EFTUD2: variants seen among roughly 807,000 people sequenced by gnomAD.
The protein encoded by EFTUD2 is elongation factor Tu GTP binding domain containing 2.
EFTUD2 carries 9 observed loss-of-function variants against 114.3 expected under a neutral mutation model. The ratio of observed to expected loss-of-function variants is 0.08; its 90% CI spans 0.05 to 0.14. The LOEUF (loss-of-function observed/expected upper bound fraction) is 0.14. Among genes scored for constraint, EFTUD2 ranks in the 10% least tolerant of loss-of-function variants. The probability of loss-of-function intolerance (pLI) is 1.00; values close to 1 mark genes in which losing one functional copy is unlikely to be tolerated. For synonymous variants in EFTUD2, 449 were observed against 462.3 expected (o/e 0.97, Z 0.37); for missense variants, 765 against 1,241.2 (o/e 0.62, Z 5.76).
Position 44,868,350 on chromosome 17 carries a change from C to T in EFTUD2, c.995G>A (p.Gly332Asp). Residue 332 changes from glycine to aspartate, a missense_variant and splice_region_variant, in exon 12 of 28, where the codon GGT (glycine) becomes GAT (aspartate). Physicochemically the swap from Gly to Asp is moderately conservative, Grantham distance 94. This residue lies in a region of EFTUD2 where 251 missense variants were observed against 357.7 expected (regional missense o/e 0.70). Coordinates refer to ENST00000426333, the MANE Select transcript of EFTUD2 (RefSeq NM_004247.4). ...SFAKIYADTF[G>D]DINYQEFAKR... ...AGCAAATTCTTGGTAATTAATGTCA[C>T]CTATGGGAGAAGCCACACAATTATA... The T allele has an allele frequency of 6.2e-7, 1 of 1,613,766 alleles. No homozygotes were observed. Among genetic ancestry groups the T allele is most frequent in the South Asian group, 1.1e-5 (1 of 91,004 alleles).
At chr17:44,872,968 A>G (rs1421208376) in intron 10 of EFTUD2, 1 of 153,760 alleles carries the variant, frequency 6.5e-6, no homozygotes, top group Non-Finnish European at 1.4e-5. Flanking sequence ...AAAAAGAGAA[A>G]AGAAAGGAAA....
intron 2 of EFTUD2, among the ~76,000 whole-genome samples, chr17:44,893,263 C>T (rs1567756429): frequency 6.6e-6 from 1 of 152,072 alleles, no homozygotes; most frequent in African/African-American, 2.4e-5. Flanking sequence ...GCTGGGACTA[C>T]AGGCACGCGC....
chr17:44,880,451 T>G, intron 8 of EFTUD2, 103 bp downstream of exon 8: 1 of 757,066 alleles, frequency 1.3e-6, no homozygotes, highest in Non-Finnish European at 2.2e-6. Flanking sequence ...GGTGAGGGAA[T>G]GTAAAAACAA....
At position 44,880,714 on chromosome 17, in the gene EFTUD2, C is replaced by T. The variant is rs1259211072; in HGVS notation, c.529-70G>A. 6 of 1,248,242 alleles carry T rather than the reference C, an allele frequency of 4.8e-6. No individual in the cohort carries two copies. In the Admixed American group the frequency reaches 1.1e-4, roughly 22 times the overall value. 77.3% of individuals were successfully genotyped at this position (1,248,242 alleles called of 1,614,324 possible). On this transcript the variant is annotated intron_variant, in intron 7 of 27. Transcript: ENST00000426333. ...GGGTTCATTTTGTTTTTGGGGCTCC[C>T]CAGTTGCTAGTAAATTACACTGATG...
At chr17:44,860,066 G>C in intron 17 of EFTUD2, 21 bp from the exon 18 acceptor site, 5 of 1,614,208 alleles carry the variant, frequency 3.1e-6, no homozygotes, top group Non-Finnish European at 3.4e-6. Context: ...AAGCACAAAG[G>C]ACTGAGGGCA....
intron 11 of EFTUD2, among the ~76,000 whole-genome samples, chr17:44,870,533 T>C (rs993325485): frequency 9.2e-5 from 14 of 152,228 alleles, no homozygotes; most frequent in Non-Finnish European, 2.9e-5. Context: ...CAATTATACA[T>C]GGATTTTTCT....
chr17:44,851,240 T>A lies in EFTUD2; in HGVS notation c.*34A>T. On this transcript the variant is annotated 3_prime_UTR_variant, in exon 28 of 28. Coordinates refer to ENST00000426333, the MANE Select transcript of EFTUD2 (RefSeq NM_004247.4). ...TTCAAGTACAGGAGTTGCAGCCCAC[T>A]GTAGGGAGCAGGAGCTCCCAGGAGT... 1 of 1,568,844 alleles carries A rather than the reference T, an allele frequency of 6.4e-7. No homozygotes were observed. Among genetic ancestry groups the A allele is most frequent in the Non-Finnish European group, 8.8e-7 (1 of 1,139,352 alleles).
At chr17:44,855,069 A>C in intron 20 of EFTUD2, 65 bp from the exon 21 acceptor site, 1 of 1,403,208 alleles carries the variant, frequency 7.1e-7, no homozygotes, top group Non-Finnish European at 1.0e-6. Flanking sequence ...ATTACTAAGA[A>C]AAGGGTAACA....
At chr17:44,858,772 G>A (rs1318625513) in intron 19 of EFTUD2, among the ~76,000 whole-genome samples, 1 of 151,940 alleles carries the variant, frequency 6.6e-6, no homozygotes, top group African/African-American at 2.4e-5. Context: ...AATTTTTGTA[G>A]AGGCAGTGTC....
rs758801312 is a variant in EFTUD2 at position 44,863,672 on chromosome 17, T to G, written c.1396A>C (p.Ser466Arg). ...GCCCTTACATCAGGGTCACAGTCAC[T>G]CATAGCCTCGCCGAGGTCGGAGTCC... ...GVDSDLGEAM[S>R]DCDPDGPLMC... Residue 466 changes from serine to arginine, a missense_variant, in exon 15 of 28, where the codon AGT (serine) becomes CGT (arginine). Physicochemically the swap from Ser to Arg is moderately radical, Grantham distance 110. Around this residue, in one of 6 missense-constraint regions of EFTUD2, gnomAD observed 59 missense variants for 50.1 expected, o/e 1.18. Transcript: ENST00000426333. 2.6e-5 allele frequency: 42 copies of G among 1,613,908 alleles called. No homozygotes were observed. The highest frequency in any genetic ancestry group is 3.4e-5 in the Non-Finnish European group (40 of 1,179,942).
At chr17:44,875,394 G>A (rs71373522) in intron 10 of EFTUD2, among the ~76,000 whole-genome samples, 18,714 of 152,000 alleles carry the variant, frequency 0.12, 1,237 homozygotes, top group East Asian at 0.24. Context: ...GCCGGGCGTG[G>A]TGACGGGTGC....
intron 1 of EFTUD2, among the ~76,000 whole-genome samples, chr17:44,898,198 T>C (rs992017959): frequency 6.6e-6 from 1 of 152,076 alleles, no homozygotes; most frequent in Admixed American, 6.6e-5. Context: ...AGTCAAGGGA[T>C]TGAAGAAATT....
chr17:44,873,833 G>A (rs531683000), intron 10 of EFTUD2, among the ~76,000 whole-genome samples: 10 of 149,914 alleles, frequency 6.7e-5, no homozygotes, highest in African/African-American at 1.7e-4. Context: ...CCGGGTTCAC[G>A]CCATTCTCCT....
intron 2 of EFTUD2, among the ~76,000 whole-genome samples, chr17:44,891,111 C>T (rs919627208): frequency 2.0e-5 from 3 of 152,122 alleles, no homozygotes; most frequent in African/African-American, 7.2e-5. Flanking sequence ...ATGCACCACT[C>T]ATCATGATGC....
Position 44,854,472 on chromosome 17 carries a change from T to A in EFTUD2, c.2259+84A>T. 1 of 1,580,210 alleles carries A rather than the reference T, an allele frequency of 6.3e-7. No individual in the cohort carries two copies. Among genetic ancestry groups the A allele is most frequent in the Non-Finnish European group, 8.6e-7 (1 of 1,160,196 alleles). On this transcript the variant is annotated intron_variant, in intron 22 of 27. Coordinates refer to ENST00000426333, the MANE Select transcript of EFTUD2 (RefSeq NM_004247.4). The surrounding 1 kb of genome is among the most constrained non-coding windows in gnomAD (Gnocchi z 4.3). The stretch of plus-strand genomic sequence containing the variant: ...CTGTCCTTCACCAGAGGACACAAGA[T>A]ACTTTTGGGAAAAGAACACTTTGTA...
At chr17:44,875,811 T>TA in intron 10 of EFTUD2, 123 bp downstream of exon 10, 2 of 1,200,650 alleles carry the variant, frequency 1.7e-6, no homozygotes, top group Non-Finnish European at 2.4e-6. Context: ...GATGTGCCTC[T>TA]AGTTTTGCCC....
Position 44,850,134 on chromosome 17 carries a change from G to A in EFTUD2, c.*1140C>T, listed in dbSNP as rs1036972002. Reference sequence around the variant, plus strand: ...TACACAATACATGTGAAAGTGTTTCGTGAACTGTCAGATAAGTGGTTTCCC... The same window carrying A: ...TACACAATACATGTGAAAGTGTTTCATGAACTGTCAGATAAGTGGTTTCCC... On this transcript the variant is annotated 3_prime_UTR_variant, in exon 28 of 28. Transcript: ENST00000426333. 4 of 539,490 alleles carry A rather than the reference G, an allele frequency of 7.4e-6. No individual in the cohort carries two copies. The highest frequency in any genetic ancestry group is 2.9e-5 in the East Asian group (1 of 34,584). The allele number at this position is 539,490 out of a possible 1,614,324, so 33.4% of individuals were successfully genotyped here.
chr17:44,859,252 G>C, intron 18 of EFTUD2, 71 bp from the exon 19 acceptor site: 4 of 1,090,812 alleles, frequency 3.7e-6, no homozygotes, highest in Non-Finnish European at 5.7e-6. Context: ...CAAAATCAAG[G>C]CCAGAGCAGA....
intron 12 of EFTUD2, 41 bp downstream of exon 12, chr17:44,868,246 T>G: frequency 6.4e-7 from 1 of 1,562,928 alleles, no homozygotes; most frequent in Non-Finnish European, 8.8e-7. Flanking sequence ...ACTGGGTAAA[T>G]GATCACCCCT....
Sources: allele counts gnomAD v4.1 joint callset (sites outside exome capture counted in the v4.1 genomes callset), GRCh38; gene constraint gnomAD v4.1.1; regional missense constraint gnomAD v4.1.1; non-coding constraint Gnocchi (gnomAD v3.1); transcripts MANE v1.5; gene names NCBI Gene and HGNC (gene_info 2026-07-23, HGNC 2026-07-21).